NOP58: variants seen among roughly 807,000 people sequenced by gnomAD.
The protein encoded by NOP58 is nucleolar protein 58.
NOP58 carries 44 observed loss-of-function variants against 71.2 expected under a neutral mutation model. The observed-to-expected ratio is 0.62, with a 90% CI of 0.49 to 0.79. The LOEUF (loss-of-function observed/expected upper bound fraction) is 0.79, where lower values mean the gene tolerates loss of function less well. Ranked by LOEUF, NOP58 falls within the 30% of genes least tolerant of loss-of-function variation. The pLI is 0.00. For synonymous variants in NOP58, 228 were observed against 200.3 expected, an observed-to-expected ratio of 1.14 and a Z score of -1.17; for missense variants, 538 against 620.2, an observed-to-expected ratio of 0.87 and a Z score of 1.41.
chr2:202,276,537 C>G, intron 2 of NOP58: 2 of 503,084 alleles, frequency 4.0e-6, no homozygotes, highest in Non-Finnish European at 8.0e-6. Flanking sequence ...ATGTTTCTTT[C>G]TGGATAAAAT....
At chr2:202,297,606 A>T in intron 11 of NOP58, 93 bp downstream of exon 11, 2 of 1,267,952 alleles carry the variant, frequency 1.6e-6, no homozygotes, top group Non-Finnish European at 2.2e-6. Context: ...AAACAGTTTT[A>T]TGATACTTAT....
intron 2 of NOP58, among the ~76,000 whole-genome samples, chr2:202,276,176 T>A (rs1688585825): frequency 1.3e-5 from 2 of 151,592 alleles, no homozygotes; most frequent in Admixed American, 6.6e-5. Flanking sequence ...CCCTCTCTCC[T>A]AAAAACACAA....
At position 202,298,952 on chromosome 2, in the gene NOP58, A is replaced by ATT. The variant is rs3043921; in HGVS notation, c.1268+1073_1268+1074dup. Reference sequence around the variant, plus strand: ...CTTTCAGGAGTCATAATCCTTCAAGATTTTTTTTTTTTTTTTTTTTTTTTT... The same window carrying ATT: ...CTTTCAGGAGTCATAATCCTTCAAGATTTTTTTTTTTTTTTTTTTTTTTTTTT... On this transcript the variant is annotated intron_variant, in intron 12 of 14. Transcript: ENST00000264279. Among the ~76,000 whole-genome samples the ATT allele has an allele frequency of 6.0e-3, 485 of 81,484 alleles. 43 individuals carry two copies. The highest frequency in any genetic ancestry group is 7.9e-3 in the Middle Eastern group (1 of 126). The allele number at this position is 81,484 out of a possible 152,430, so 53.5% of individuals were successfully genotyped here.
chr2:202,275,866 G>A (rs1291191477), intron 2 of NOP58, among the ~76,000 whole-genome samples: 33 of 151,918 alleles, frequency 2.2e-4, no homozygotes, highest in South Asian at 8.3e-4. Flanking sequence ...ACAGGGTTTC[G>A]CCATGTTGGT....
In NOP58 at chr2:202,282,416, A is replaced by T; in HGVS notation, c.241A>T (p.Lys81Ter). 1 of 1,613,794 alleles carries T rather than the reference A, an allele frequency of 6.2e-7. No individual in the cohort carries two copies. Among genetic ancestry groups the T allele is most frequent in the South Asian group, 1.1e-5 (1 of 91,000 alleles). ...GAAAAAAGTTCTGAAGAAAATAGTA[A>T]AAGAAGCCCATGAACCGCTGGCAGT... ...QLKKVLKKIVKEAHEPLAVAD... is the reference protein window; with the variant it reads ...QLKKVLKKIV Residue 81 changes from lysine to a stop codon, truncating the protein, a stop_gained, in exon 4 of 15, where the codon AAA (lysine) becomes TAA (stop). Coordinates refer to ENST00000264279, the MANE Select transcript of NOP58 (RefSeq NM_015934.5). LOFTEE classifies it high-confidence loss of function.
At chr2:202,286,106 C>T (rs1246250689) in intron 5 of NOP58, among the ~76,000 whole-genome samples, 78 of 143,800 alleles carry the variant, frequency 5.4e-4, no homozygotes, top group African/African-American at 1.9e-3. Context: ...GGCGTGAACC[C>T]GGGAGGCAGA....
Position 202,300,304 on chromosome 2 carries a change from C to A in NOP58, c.1339C>A (p.Gln447Lys). Reference protein sequence around the residue: ...PTCSKKRKIEQVDKEDEITEK... With the variant: ...PTCSKKRKIEKVDKEDEITEK... ...CTGTTCTAAAAAACGCAAAATAGAA[C>A]AGGTAGATAAAGAGGATGAAATTAC... Residue 447 changes from glutamine (Q) to lysine (K), a missense_variant, in exon 13 of 15, where the codon CAG becomes AAG. Gln to Lys is a moderately conservative substitution (Grantham distance 53). Coordinates refer to ENST00000264279, the MANE Select transcript of NOP58 (RefSeq NM_015934.5). 6.2e-7 allele frequency: 1 copy of A among 1,600,296 alleles called. No homozygotes were observed. The highest frequency in any genetic ancestry group is 8.5e-7 in the Non-Finnish European group (1 of 1,176,178).
chr2:202,287,745 G>C (rs758698192), intron 6 of NOP58, 21 bp downstream of exon 6: 1 of 1,549,350 alleles, frequency 6.5e-7, no homozygotes, highest in African/African-American at 1.4e-5. Flanking sequence ...TACATGCAAA[G>C]TCCGATTTGT....
intron 1 of NOP58, among the ~76,000 whole-genome samples, chr2:202,266,850 G>T (rs1350203716): frequency 6.6e-6 from 1 of 152,214 alleles, no homozygotes; most frequent in Non-Finnish European, 1.5e-5. Flanking sequence ...TAAATAAGAT[G>T]TTAAGAAAGT....
intron 3 of NOP58, 119 bp downstream of exon 3, chr2:202,278,121 A>G (rs1335943062): frequency 9.1e-6 from 7 of 767,026 alleles, no homozygotes; most frequent in Non-Finnish European, 1.7e-5. Context: ...AATGTTGTCA[A>G]TGATGCATTC....
chr2:202,284,418 A>C lies in NOP58; in HGVS notation c.371A>C (p.Asp124Ala), dbSNP rs780129624. 3 of 1,613,912 alleles carry C rather than the reference A, an allele frequency of 1.9e-6. No homozygotes were observed. ...ELMRGIRSQM[D>A]GLIPGVEPRE... ...ATGAGAGGAATTCGTTCACAAATGGATGGATTAATCCCTGGGGTAGAACCA... is the reference window on the plus strand; with the variant it reads ...ATGAGAGGAATTCGTTCACAAATGGCTGGATTAATCCCTGGGGTAGAACCA... The change falls in exon 5 of 15, where the codon GAT becomes GCT. Residue 124 changes from aspartate to alanine, a missense_variant. Asp to Ala is a moderately radical substitution (Grantham distance 126, BLOSUM62 -2). Coordinates refer to ENST00000264279, the MANE Select transcript of NOP58 (RefSeq NM_015934.5).
rs200748681 is a variant in NOP58, at chr2:202,303,025, G to C, written c.1507G>C (p.Glu503Gln). 1.9e-6 allele frequency: 3 copies of C among 1,612,576 alleles called. No individual in the cohort carries two copies. In the African/African-American group the frequency reaches 4.0e-5, roughly 22 times the overall value. The change falls in exon 14 of 15, where the codon GAG (glutamate) becomes CAG (glutamine). Residue 503 changes from glutamate to glutamine, a missense_variant. Transcript: ENST00000264279. ...KKHIKEEPLS[E>Q]EEPCTSTAIA... ...ACACATTAAGGAAGAACCACTTTCT[G>C]AGGAAGAACCATGTACCAGCACAGC... is the stretch of plus-strand genomic sequence containing the variant.
At chr2:202,295,556 ATT>A (rs1688974900) in intron 9 of NOP58, 116 bp from the exon 10 acceptor site, 2 of 715,078 alleles carry the variant, frequency 2.8e-6, no homozygotes, top group Admixed American at 5.7e-5. Context: ...AGAATTCTAT[ATT>A]ATATGTGATT....
intron 3 of NOP58, among the ~76,000 whole-genome samples, chr2:202,278,799 C>CA (rs1269183284): frequency 6.6e-6 from 1 of 152,076 alleles, no homozygotes; most frequent in African/African-American, 2.4e-5. Context: ...ATGACAGATG[C>CA]AAAAAATTTT....
chr2:202,280,432 T>C (rs1688681092), intron 3 of NOP58, among the ~76,000 whole-genome samples: 1 of 151,912 alleles, frequency 6.6e-6, no homozygotes, highest in African/African-American at 2.4e-5. Context: ...CAAGTAATTC[T>C]CCCAGGAGGC....
chr2:202,284,530 C>T (rs1298864512), intron 5 of NOP58, 49 bp downstream of exon 5: 1 of 1,588,456 alleles, frequency 6.3e-7, no homozygotes, highest in East Asian at 2.2e-5. Context: ...TTGATAAGCG[C>T]TTAACATAGA....
chr2:202,297,585 C>T, intron 11 of NOP58, 72 bp downstream of exon 11: 1 of 1,445,410 alleles, frequency 6.9e-7, no homozygotes, highest in Non-Finnish European at 9.5e-7. Context: ...AATTTATTAA[C>T]TTCATCTGCT....
chr2:202,298,000 C>A (rs771035736), intron 12 of NOP58, 94 bp downstream of exon 12: 11 of 742,866 alleles, frequency 1.5e-5, no homozygotes, highest in Non-Finnish European at 2.3e-5. Flanking sequence ...TTGATGTGCC[C>A]ATAGTTTTTT....
intron 1 of NOP58, among the ~76,000 whole-genome samples, chr2:202,268,620 G>GT (rs1019357095): frequency 1.0e-4 from 15 of 149,686 alleles, no homozygotes; most frequent in East Asian, 8.0e-4. Flanking sequence ...TTGTTTTTTT[G>GT]TTTTTTTTGA....
Sources: allele counts gnomAD v4.1 joint callset (sites outside exome capture counted in the v4.1 genomes callset), GRCh38; gene constraint gnomAD v4.1.1; transcripts MANE v1.5; gene names NCBI Gene and HGNC (gene_info 2026-07-23, HGNC 2026-07-21).